Variants in GABRA2 observed in about 807,000 individuals in gnomAD.
GABRA2 encodes the protein gamma-aminobutyric acid type A receptor subunit alpha2, also known as gamma-aminobutyric acid receptor subunit alpha-2.
GABRA2 carries 16 observed loss-of-function variants against 48.7 expected under a neutral mutation model. The ratio of observed to expected loss-of-function variants is 0.33; its 90% CI spans 0.22 to 0.50. The LOEUF (loss-of-function observed/expected upper bound fraction) is 0.50, where lower values mean the gene tolerates loss of function less well. Among genes scored for constraint, GABRA2 ranks in the 20% least tolerant of loss-of-function variants. The probability of loss-of-function intolerance (pLI) is 0.98; values close to 1 mark genes in which losing one functional copy is unlikely to be tolerated. For synonymous variants in GABRA2, 185 were observed against 184.5 expected (o/e 1.00, Z -0.02); for missense variants, 275 against 535.6 (o/e 0.51, Z 4.80).
chr4:46,337,491 T>C (rs759115476), intron 3 of GABRA2, among the ~76,000 whole-genome samples: 2 of 152,008 alleles, frequency 1.3e-5, no homozygotes, highest in Non-Finnish European at 2.9e-5. Flanking sequence ...TTTATATACA[T>C]GGCAGCAGGA....
intron 9 of GABRA2, among the ~76,000 whole-genome samples, chr4:46,255,959 C>T (rs759630054): frequency 6.6e-6 from 1 of 151,412 alleles, no homozygotes; most frequent in Non-Finnish European, 1.5e-5. Flanking sequence ...GGGACTGTTC[C>T]TTACAGTAAA....
rs568348222 is a variant in GABRA2, at chr4:46,278,916, T to C, written c.857-16788A>G. On this transcript the variant is annotated intron_variant, in intron 8 of 9. Transcript: ENST00000381620. The stretch of plus-strand genomic sequence containing the variant: ...GATGGGAAATAAAAGAGTAATGGTA[T>C]CAATAAAGGTATGAAGGAGGCAGAT... 1.5e-4 allele frequency among the ~76,000 whole-genome samples: 23 copies of C among 151,990 alleles called. No individual in the cohort carries two copies. The South Asian group carries it at 4.8e-3, about 32-fold the overall frequency.
At chr4:46,325,930 C>T (rs994770068) in intron 4 of GABRA2, among the ~76,000 whole-genome samples, 3 of 151,828 alleles carry the variant, frequency 2.0e-5, no homozygotes, top group Admixed American at 1.3e-4. Flanking sequence ...TTCCATTAAT[C>T]TATATGTTTT....
chr4:46,334,845 T>C (rs1731937296), intron 3 of GABRA2, among the ~76,000 whole-genome samples: 1 of 152,166 alleles, frequency 6.6e-6, no homozygotes, highest in African/African-American at 2.4e-5. Context: ...TGGGGAGATA[T>C]TGTCCTGCTA....
chr4:46,389,240 T>C, intron 1 of GABRA2: 1 of 985,782 alleles, frequency 1.0e-6, no homozygotes, highest in Non-Finnish European at 1.2e-6. Flanking sequence ...TACAGTGAAC[T>C]GCGGTCCTCA....
chr4:46,324,854 A>G (rs566111458), intron 4 of GABRA2, among the ~76,000 whole-genome samples: 2 of 152,036 alleles, frequency 1.3e-5, no homozygotes, highest in African/African-American at 4.8e-5. Context: ...TTGCTTAGGG[A>G]AATGGCCTCC....
Position 46,250,504 on chromosome 4 carries a change from A to C in GABRA2, c.1160T>G (p.Ile387Ser). 1 of 1,611,734 alleles carries C rather than the reference A, an allele frequency of 6.2e-7. No individual in the cohort carries two copies. The highest frequency in any genetic ancestry group is 8.5e-7 in the Non-Finnish European group (1 of 1,178,570). ...TTCTGGCGTGGTTGCACTCTTGGAG[A>C]TGGTGGAGAGAACTGGATCTTTTGA... ...NLSKDPVLSTISKSATTPEPN... is the reference protein window; with the variant it reads ...NLSKDPVLSTSSKSATTPEPN... Residue 387 changes from isoleucine to serine, a missense_variant, in exon 10 of 10, where the codon ATC (isoleucine) becomes AGC (serine). By Grantham distance (142) the Ile-to-Ser change is moderately radical. This residue lies in a region of GABRA2 where 99 missense variants were observed against 124.3 expected (regional missense o/e 0.80). Coordinates refer to ENST00000381620, the MANE Select transcript of GABRA2 (RefSeq NM_000807.4).
In GABRA2 at chr4:46,247,772, G is replaced by C. The variant is rs1438723560; in HGVS notation, c.*2536C>G. On this transcript the variant is annotated 3_prime_UTR_variant, in exon 10 of 10. Transcript: ENST00000381620. Reference sequence around the variant, plus strand: ...AAGGATTATAATTGTTACGAATCTTGTTCTATAATTTAAAAGCAATTTCCA... The same window carrying C: ...AAGGATTATAATTGTTACGAATCTTCTTCTATAATTTAAAAGCAATTTCCA... Among the ~76,000 whole-genome samples the C allele has an allele frequency of 1.3e-5, 2 of 151,168 alleles. No individual in the cohort carries two copies. Among genetic ancestry groups the C allele is most frequent in the African/African-American group, 4.8e-5 (2 of 41,304 alleles).
rs747890495 is a variant in GABRA2 at position 46,250,469 on chromosome 4, T to G, written c.1195A>C (p.Lys399Gln). The change falls in exon 10 of 10, where the codon AAG becomes CAG. Residue 399 changes from lysine (K) to glutamine (Q), a missense_variant. By Grantham distance (53) the Lys-to-Gln change is moderately conservative (BLOSUM62 1). This residue lies in a region of GABRA2 where 99 missense variants were observed against 124.3 expected (regional missense o/e 0.80). Coordinates refer to ENST00000381620, the MANE Select transcript of GABRA2 (RefSeq NM_000807.4). ...KSATTPEPNK[K>Q]PENKPAEAKK... is the part of the protein sequence containing the mutation. ...GCTTCAGCTGGCTTGTTTTCTGGCTTCTTGTTGGGTTCTGGCGTGGTTGCA... is the reference window on the plus strand; with the variant it reads ...GCTTCAGCTGGCTTGTTTTCTGGCTGCTTGTTGGGTTCTGGCGTGGTTGCA... 7 of 1,612,232 alleles carry G rather than the reference T, an allele frequency of 4.3e-6. No homozygotes were observed. The South Asian group carries it at 6.6e-5, about 15-fold the overall frequency.
intron 4 of GABRA2, among the ~76,000 whole-genome samples, chr4:46,327,438 C>T (rs139185874): frequency 0.01 from 1,579 of 152,108 alleles, 18 homozygotes; most frequent in Non-Finnish European, 0.016. Flanking sequence ...TATTTTCTAA[C>T]TTTCCAAAAT....
At position 46,262,008 on chromosome 4, in the gene GABRA2, G is replaced by C; in HGVS notation, c.977C>G (p.Ser326Cys). ...FIAVCYAFVF[S>C]ALIEFATVNY... ...AACAGTTGCAAATTCAATTAGGGCAGAGAACACAAATGCATAACAAACAGC... is the reference window on the plus strand; with the variant it reads ...AACAGTTGCAAATTCAATTAGGGCACAGAACACAAATGCATAACAAACAGC... The change falls in exon 9 of 10, where the codon TCT (serine) becomes TGT (cysteine). Residue 326 changes from serine (S) to cysteine (C), a missense_variant. Ser to Cys is a moderately radical substitution (Grantham distance 112). This residue lies in a region of GABRA2 where 24 missense variants were observed against 113.8 expected (regional missense o/e 0.21). Transcript: ENST00000381620. 1 of 1,613,840 alleles carries C rather than the reference G, an allele frequency of 6.2e-7. No individual in the cohort carries two copies. Among genetic ancestry groups the C allele is most frequent in the Non-Finnish European group, 8.5e-7 (1 of 1,179,858 alleles).
chr4:46,376,909 A>G (rs1373241912), intron 3 of GABRA2, among the ~76,000 whole-genome samples: 1 of 151,622 alleles, frequency 6.6e-6, no homozygotes, highest in East Asian at 2.0e-4. Flanking sequence ...TGGTTTTCCT[A>G]TTTTTTTGGT....
intron 5 of GABRA2, 119 bp downstream of exon 5, chr4:46,312,377 T>C: frequency 4.7e-6 from 3 of 639,492 alleles, no homozygotes; most frequent in Non-Finnish European, 8.2e-6. Context: ...TATTGGTACT[T>C]CAATAATCTG....
chr4:46,340,929 T>G (rs566425081), intron 3 of GABRA2, among the ~76,000 whole-genome samples: 43 of 152,134 alleles, frequency 2.8e-4, no homozygotes, highest in African/African-American at 9.6e-4. Flanking sequence ...TCTTCTTTTT[T>G]TTCTTATGTT....
chr4:46,296,093 A>T (rs113910076), intron 8 of GABRA2, among the ~76,000 whole-genome samples: 2,325 of 152,282 alleles, frequency 0.015, 62 homozygotes, highest in African/African-American at 0.053. Context: ...ACTAGGTGAC[A>T]ATACTTTGCA....
At chr4:46,348,816 C>A (rs1206387261) in intron 3 of GABRA2, among the ~76,000 whole-genome samples, 1 of 151,000 alleles carries the variant, frequency 6.6e-6, no homozygotes, top group East Asian at 2.0e-4. Flanking sequence ...AGGAGATATA[C>A]CTAATGCTGA....
intron 8 of GABRA2, among the ~76,000 whole-genome samples, chr4:46,301,578 A>G (rs1725739694): frequency 6.6e-6 from 1 of 152,112 alleles, no homozygotes; most frequent in Non-Finnish European, 1.5e-5. Context: ...ATGTCACTGC[A>G]CAATCTATTC....
In GABRA2 at chr4:46,303,350, C is replaced by A. The variant is rs879071766; in HGVS notation, c.856+110G>T. On this transcript the variant is annotated intron_variant, in intron 8 of 9. Coordinates refer to ENST00000381620, the MANE Select transcript of GABRA2 (RefSeq NM_000807.4). ...TCACCTATAAGGCAAAAACAATACT[C>A]CCCGCCCCACCTACTACAAATAATT... 4.6e-6 allele frequency: 5 copies of A among 1,083,178 alleles called. No individual in the cohort carries two copies. The East Asian group carries it at 1.2e-4, about 27-fold the overall frequency. 67.1% of individuals were successfully genotyped at this position (1,083,178 alleles called of 1,614,324 possible).
At chr4:46,364,411 G>C (rs1475066591) in intron 3 of GABRA2, 1 of 151,968 alleles carries the variant, frequency 6.6e-6, no homozygotes, top group Non-Finnish European at 1.5e-5. Context: ...AACAATGTAA[G>C]ACAATACCCA....
Sources: gnomAD v4.1 joint callset for allele counts (sites outside exome capture counted in the v4.1 genomes callset) on GRCh38, gnomAD v4.1.1 for gene constraint, gnomAD v4.1.1 regional missense constraint, MANE v1.5 for transcripts, NCBI Gene and HGNC (gene_info 2026-07-23, HGNC 2026-07-21) for gene names.